The following ADGRL2 variants were observed in gnomAD, a reference collection of about 807,000 sequenced individuals.
ADGRL2 encodes calcium-independent alpha-latrotoxin receptor 2.
ADGRL2 carries 44 observed loss-of-function variants against 157.4 expected under a neutral mutation model. That is an observed-to-expected ratio of 0.28 (90% CI 0.22 to 0.36). The LOEUF is 0.36. ADGRL2 is among the 10% of genes least tolerant of loss of function. ADGRL2 has a pLI of 1.00. For missense variants in ADGRL2, 1,510 were observed against 1,768.9 expected, an observed-to-expected ratio of 0.85 and a Z score of 2.63; for synonymous variants, 585 against 624.7, an observed-to-expected ratio of 0.94 and a Z score of 0.95.
intron 1 of ADGRL2, among the ~76,000 whole-genome samples, chr1:81,413,507 C>A (rs1055753471): frequency 6.6e-6 from 1 of 151,828 alleles, no homozygotes; most frequent in African/African-American, 2.4e-5. Context: ...TATGATATAG[C>A]TTATAAATAC....
chr1:81,966,270 A>G (rs1572410377), intron 12 of ADGRL2, 87 bp downstream of exon 12: 1 of 1,565,188 alleles, frequency 6.4e-7, no homozygotes, highest in Non-Finnish European at 8.7e-7. Flanking sequence ...TCCTTATATA[A>G]CAAAAAAACG....
intron 11 of ADGRL2, among the ~76,000 whole-genome samples, chr1:81,959,469 T>A (rs897538750): frequency 2.6e-5 from 4 of 152,202 alleles, no homozygotes; most frequent in Non-Finnish European, 4.4e-5. Context: ...TTTCTTTATA[T>A]CTTGGGAAGA....
chr1:81,492,682 C>T (rs2078658308), intron 2 of ADGRL2, among the ~76,000 whole-genome samples: 1 of 152,132 alleles, frequency 6.6e-6, no homozygotes, highest in Admixed American at 6.5e-5. Flanking sequence ...ATAAAATCAT[C>T]TTCAAAATTG....
chr1:81,356,521 T>C (rs1266802553), intron 1 of ADGRL2, among the ~76,000 whole-genome samples: 1 of 152,150 alleles, frequency 6.6e-6, no homozygotes, highest in African/African-American at 2.4e-5. Flanking sequence ...TGAGAAGGTC[T>C]CATCCTCTTC....
At chr1:81,777,003 C>T (rs1332749560) in intron 2 of ADGRL2, among the ~76,000 whole-genome samples, 1 of 152,162 alleles carries the variant, frequency 6.6e-6, no homozygotes, top group Non-Finnish European at 1.5e-5. Context: ...ATGCATACTA[C>T]TCTGATATAA....
At chr1:81,611,038 A>C (rs1411416978) in intron 3 of ADGRL2, among the ~76,000 whole-genome samples, 1 of 152,198 alleles carries the variant, frequency 6.6e-6, no homozygotes, top group Non-Finnish European at 1.5e-5. Flanking sequence ...AAGGCTAATA[A>C]ATTTTTTCAG....
At chr1:81,569,248 G>C (rs561956609) in intron 2 of ADGRL2, among the ~76,000 whole-genome samples, 4 of 152,128 alleles carry the variant, frequency 2.6e-5, no homozygotes, top group Non-Finnish European at 4.4e-5. Flanking sequence ...GTGAGACAGA[G>C]AGAATTTTTT....
intron 3 of ADGRL2, among the ~76,000 whole-genome samples, chr1:81,607,488 A>T (rs1194301174): frequency 1.3e-5 from 2 of 152,220 alleles, no homozygotes; most frequent in Non-Finnish European, 2.9e-5. Flanking sequence ...AGGCTTGTCA[A>T]ATTAAGTGTT....
intron 1 of ADGRL2, among the ~76,000 whole-genome samples, chr1:81,330,861 T>C (rs1260399160): frequency 1.3e-5 from 2 of 152,200 alleles, no homozygotes; most frequent in Non-Finnish European, 1.5e-5. Flanking sequence ...TGAGAAAATA[T>C]GAACGTTGCT....
At chr1:81,510,856 T>C (rs1200195454) in intron 2 of ADGRL2, among the ~76,000 whole-genome samples, 1 of 152,178 alleles carries the variant, frequency 6.6e-6, no homozygotes, top group Non-Finnish European at 1.5e-5. Context: ...CGAAACTATT[T>C]GACAAGGAAA....
chr1:81,958,604 T>C (rs1342275663), intron 11 of ADGRL2, among the ~76,000 whole-genome samples: 3 of 152,212 alleles, frequency 2.0e-5, no homozygotes, highest in Non-Finnish European at 4.4e-5. Flanking sequence ...TTATCTATTA[T>C]AATTATATCT....
At chr1:81,470,113 C>T (rs1045738102) in intron 2 of ADGRL2, among the ~76,000 whole-genome samples, 3 of 152,178 alleles carry the variant, frequency 2.0e-5, no homozygotes, top group Admixed American at 6.6e-5. Context: ...TTTCAACAAC[C>T]TATTTTATTC....
intron 1 of ADGRL2, chr1:81,427,207 CT>C: frequency 1.2e-6 from 1 of 809,300 alleles, no homozygotes; most frequent in Non-Finnish European, 2.2e-6. Context: ...ATGGTGGCAA[CT>C]TTGGTGGAAG....
chr1:81,598,256 T>C (rs1264291958), intron 3 of ADGRL2, among the ~76,000 whole-genome samples: 2 of 152,214 alleles, frequency 1.3e-5, no homozygotes, highest in Non-Finnish European at 2.9e-5. Context: ...GTTACACAGC[T>C]AATATTGGCA....
At chr1:81,821,196 A>G (rs1051248337) in intron 1 of ADGRL2, among the ~76,000 whole-genome samples, 10 of 152,222 alleles carry the variant, frequency 6.6e-5, no homozygotes, top group Non-Finnish European at 1.5e-4. Flanking sequence ...AATGTTTATA[A>G]GATAAAATAC....
chr1:81,842,912 A>G (rs112541191), intron 2 of ADGRL2, among the ~76,000 whole-genome samples: 5 of 152,054 alleles, frequency 3.3e-5, no homozygotes, highest in Admixed American at 1.3e-4. Flanking sequence ...AAAATTAACT[A>G]CTTTTGTTCA....
intron 2 of ADGRL2, chr1:81,502,922 G>A (rs190985834): frequency 8.1e-6 from 13 of 1,612,342 alleles, no homozygotes; most frequent in East Asian, 2.2e-5. Flanking sequence ...AGTAGCCCTC[G>A]AATATCCCCA....
At chr1:81,950,693 C>G (rs1377642894) in intron 7 of ADGRL2, among the ~76,000 whole-genome samples, 1 of 152,102 alleles carries the variant, frequency 6.6e-6, no homozygotes, top group Non-Finnish European at 1.5e-5. Flanking sequence ...TTTCAGAGAC[C>G]TAGGTCAAGC....
chr1:81,810,130 A>G (rs1400618631), intron 1 of ADGRL2, among the ~76,000 whole-genome samples: 2 of 151,980 alleles, frequency 1.3e-5, no homozygotes, highest in Non-Finnish European at 2.9e-5. Context: ...TAGAGCGAAC[A>G]AAAGAGAATT....
Sources: gnomAD v4.1 joint callset for allele counts (sites outside exome capture counted in the v4.1 genomes callset) on GRCh38, gnomAD v4.1.1 for gene constraint, MANE v1.5 for transcripts, NCBI Gene and HGNC (gene_info 2026-07-23, HGNC 2026-07-21) for gene names.